Variants in THBS4 observed in about 807,000 individuals in gnomAD.
THBS4 encodes the protein thrombospondin 4, also known as thrombospondin-4.
In THBS4, 90 loss-of-function variants were observed where a neutral mutation model predicts 115.7. That is an observed-to-expected ratio of 0.78 (90% confidence interval 0.66 to 0.93). The LOEUF (loss-of-function observed/expected upper bound fraction) is 0.93, where lower values mean the gene tolerates loss of function less well. Among genes scored for constraint, THBS4 ranks in the 40% least tolerant of loss-of-function variants. The probability of loss-of-function intolerance (pLI) is 0.00; values close to 1 mark genes in which losing one functional copy is unlikely to be tolerated. For synonymous variants in THBS4, 460 were observed against 479.3 expected (o/e 0.96, Z 0.53); for missense variants, 1,087 against 1,232.7 (o/e 0.88, Z 1.77).
At chr5:80,071,976 C>T (rs986462524) in intron 13 of THBS4, 17 of 322,472 alleles carry the variant, frequency 5.3e-5, no homozygotes, top group Non-Finnish European at 6.6e-5. Flanking sequence ...CAGATACCCA[C>T]GAGATCCTCC....
rs747359533 is a variant in THBS4 at position 80,078,053 on chromosome 5, C to T, written c.2091C>T (p.Asp697=). 21 of 1,575,134 alleles carry T rather than the reference C, an allele frequency of 1.3e-5. No homozygotes were observed. Among genetic ancestry groups the T allele is most frequent in the South Asian group, 5.8e-5 (5 of 86,424 alleles). Residue 697 remains aspartate, a synonymous_variant, in exon 17 of 22, where the codon GAC becomes GAT. Transcript: ENST00000350881. ...PNPAQEDSNS[D]GVGDICESDF... is the part of the protein sequence containing the mutation. Reference sequence around the variant, plus strand: ...TCCTTTCTCCACCCCACTCAGGCGACGGAGTGGGAGACATCTGTGAGTCTG... The same window carrying T: ...TCCTTTCTCCACCCCACTCAGGCGATGGAGTGGGAGACATCTGTGAGTCTG...
At chr5:80,056,104 G>A in intron 3 of THBS4, 72 bp downstream of exon 3, 2 of 1,484,974 alleles carry the variant, frequency 1.3e-6, no homozygotes, top group Non-Finnish European at 1.8e-6. Context: ...AGAGGAGCGT[G>A]CTGAGAAATT....
At chr5:80,038,767 A>G (rs1179011449) in intron 1 of THBS4, among the ~76,000 whole-genome samples, 1 of 152,156 alleles carries the variant, frequency 6.6e-6, no homozygotes, top group African/African-American at 2.4e-5. Flanking sequence ...ATAAATTCCC[A>G]TAAGCAGAAT....
At chr5:80,072,739 ACAG>A in intron 14 of THBS4, 1 of 300,326 alleles carries the variant, frequency 3.3e-6, no homozygotes, top group East Asian at 6.5e-5. Flanking sequence ...AAACCCCTAC[ACAG>A]CCTATGTATG....
intron 20 of THBS4, chr5:80,080,339 T>C: frequency 2.4e-6 from 1 of 415,912 alleles, no homozygotes; most frequent in Admixed American, 3.4e-5. Flanking sequence ...GTTGTGGGGT[T>C]GGTGCATTTG....
At chr5:80,059,952 A>C (rs1171325644) in intron 7 of THBS4, 47 bp downstream of exon 7, 1 of 1,555,396 alleles carries the variant, frequency 6.4e-7, no homozygotes. Context: ...TATCCTCCTC[A>C]CCCTGCAGCT....
chr5:80,005,329 C>T (rs991780560), intron 2 of THBS4, among the ~76,000 whole-genome samples: 9 of 152,072 alleles, frequency 5.9e-5, no homozygotes, highest in Admixed American at 5.2e-4. Flanking sequence ...AAGGTTTAGC[C>T]GCTTGTTATT....
At chr5:80,073,917 T>C (rs1743050813) in intron 15 of THBS4, among the ~76,000 whole-genome samples, 1 of 152,216 alleles carries the variant, frequency 6.6e-6, no homozygotes, top group South Asian at 2.1e-4. Flanking sequence ...AGATGGGCTC[T>C]GGAATAAGAC....
chr5:80,043,215 G>GA (rs1832959832), intron 2 of THBS4, among the ~76,000 whole-genome samples: 1 of 152,124 alleles, frequency 6.6e-6, no homozygotes, highest in Non-Finnish European at 1.5e-5. Context: ...GGAGCAGTCG[G>GA]AAAAAATACG....
At chr5:80,078,682 T>C (rs1743340420) in intron 17 of THBS4, among the ~76,000 whole-genome samples, 1 of 152,236 alleles carries the variant, frequency 6.6e-6, no homozygotes, top group Non-Finnish European at 1.5e-5. Context: ...CCAATCAGCT[T>C]AAGTGACAGT....
intron 2 of THBS4, among the ~76,000 whole-genome samples, chr5:79,999,619 T>G (rs1449210567): frequency 1.3e-5 from 2 of 152,218 alleles, no homozygotes; most frequent in Admixed American, 1.3e-4. Context: ...AATCCTGCCT[T>G]GTGAAATGCT....
At chr5:79,997,404 G>GTA (rs1028195063) in intron 1 of THBS4, among the ~76,000 whole-genome samples, 6 of 151,428 alleles carry the variant, frequency 4.0e-5, no homozygotes, top group Admixed American at 2.0e-4. Flanking sequence ...GTGTGTGTGT[G>GTA]TATATATGAA....
chr5:80,008,412 GT>G (rs536055656), intron 2 of THBS4, among the ~76,000 whole-genome samples: 2 of 150,914 alleles, frequency 1.3e-5, no homozygotes, highest in African/African-American at 4.9e-5. Context: ...CCACATTATT[GT>G]TTTTTTTTAA....
chr5:80,059,561 G>T, intron 6 of THBS4, 70 bp downstream of exon 6: 1 of 1,599,130 alleles, frequency 6.3e-7, no homozygotes, highest in Non-Finnish European at 8.6e-7. Flanking sequence ...TTGCGGTGAG[G>T]CTGTGTTGAC....
In THBS4 at chr5:80,070,358, T is replaced by G. The variant is rs922727861; in HGVS notation, c.1400T>G (p.Ile467Ser). ...DGYICGKDVD[I>S]DSYPDEELPC... is the part of the protein sequence containing the mutation. The stretch of plus-strand genomic sequence containing the variant: ...TATATCTGTGGAAAGGATGTGGACA[T>G]CGACAGTTACCCCGACGAAGAACTG... The change falls in exon 11 of 22, where the codon ATC (isoleucine) becomes AGC (serine). Residue 467 changes from isoleucine (I) to serine (S), a missense_variant. Physicochemically the swap from Ile to Ser is moderately radical, Grantham distance 142. Transcript: ENST00000350881. 1.2e-6 allele frequency: 2 copies of G among 1,612,040 alleles called. No individual in the cohort carries two copies. Among genetic ancestry groups the G allele is most frequent in the Non-Finnish European group, 1.7e-6 (2 of 1,178,994 alleles).
At chr5:80,049,772 T>G (rs1473201812) in intron 2 of THBS4, among the ~76,000 whole-genome samples, 1 of 152,196 alleles carries the variant, frequency 6.6e-6, no homozygotes, top group Non-Finnish European at 1.5e-5. Flanking sequence ...GTTGAAACAT[T>G]ATTTAGAATC....
intron 2 of THBS4, among the ~76,000 whole-genome samples, chr5:80,010,710 G>A (rs1832106678): frequency 6.6e-6 from 1 of 152,246 alleles, no homozygotes. Flanking sequence ...GAACTGGGAA[G>A]ATGGAAAAGT....
At chr5:80,082,280 A>C (rs1743549037) in intron 20 of THBS4, 126 bp from the exon 21 acceptor site, 5 of 1,328,872 alleles carry the variant, frequency 3.8e-6, no homozygotes, top group Middle Eastern at 5.5e-4. Flanking sequence ...TCAGCGAAAA[A>C]TGGAGCCTAA....
chr5:80,061,928 C>T, intron 8 of THBS4, 96 bp downstream of exon 8: 1 of 1,305,024 alleles, frequency 7.7e-7, no homozygotes, highest in Non-Finnish European at 1.0e-6. Context: ...CCTCCATGAG[C>T]AGTCAAGGCC....
Sources: gnomAD v4.1 joint callset for allele counts (sites outside exome capture counted in the v4.1 genomes callset) on GRCh38, gnomAD v4.1.1 for gene constraint, MANE v1.5 for transcripts, NCBI Gene and HGNC (gene_info 2026-07-23, HGNC 2026-07-21) for gene names.